MTPAP: variants seen among roughly 807,000 people sequenced by gnomAD.
MTPAP encodes mitochondrial poly(A) polymerase, also known as poly(A) RNA polymerase, mitochondrial.
A neutral mutation model predicts 48.7 loss-of-function variants in MTPAP; 23 were observed. That is an observed-to-expected ratio of 0.47 (90% CI 0.34 to 0.67). MTPAP has a LOEUF of 0.67. Ranked by LOEUF, MTPAP falls within the 30% of genes least tolerant of loss-of-function variation. MTPAP has a pLI of 0.01. For missense variants in MTPAP, 614 were observed against 694.3 expected, an observed-to-expected ratio of 0.88 and a Z score of 1.30; for synonymous variants, 257 against 254.1, an observed-to-expected ratio of 1.01 and a Z score of -0.11.
chr10:30,322,239 ATCTGC>A (rs1248592570), intron 6 of MTPAP, 147 bp downstream of exon 6: 1 of 684,834 alleles, frequency 1.5e-6, no homozygotes, highest in African/African-American at 1.8e-5. Flanking sequence ...TTCCCAAATC[ATCTGC>A]TCTCGTGACT....
chr10:30,332,667 A>G (rs1281045071), intron 4 of MTPAP, among the ~76,000 whole-genome samples: 7 of 152,146 alleles, frequency 4.6e-5, no homozygotes. Context: ...TCTATACCTC[A>G]GAAATCTAAG....
intron 5 of MTPAP, 71 bp downstream of exon 5, chr10:30,326,353 T>G: frequency 7.2e-7 from 1 of 1,386,138 alleles, no homozygotes; most frequent in Non-Finnish European, 1.0e-6. Flanking sequence ...AGCCACTGTT[T>G]CTGTGTGAGA....
rs1840584413 is a variant in MTPAP at position 30,310,859 on chromosome 10, AC to A, written c.*2749del. The A allele has an allele frequency of 6.6e-6, 1 of 151,446 alleles. No individual in the cohort carries two copies. The highest frequency in any genetic ancestry group is 2.4e-5 in the African/African-American group (1 of 41,134). The allele number at this position is 151,446 out of a possible 1,614,324, so 9.4% of individuals were successfully genotyped here. A position where few individuals can be genotyped will look rare whatever the true frequency, so the allele number is the denominator to read the frequency against. On this transcript the variant is annotated 3_prime_UTR_variant, in exon 9 of 9. Transcript: ENST00000263063. ...GGTTGCAGTGAGCCGAGATCGCACCACTGCAGTCTAGCCTGGGTGACAGAGC... is the reference window on the plus strand; with the variant it reads ...GGTTGCAGTGAGCCGAGATCGCACCATGCAGTCTAGCCTGGGTGACAGAGC...
chr10:30,314,321 A>G (rs1840635909), intron 8 of MTPAP, among the ~76,000 whole-genome samples: 1 of 152,172 alleles, frequency 6.6e-6, no homozygotes, highest in South Asian at 2.1e-4. Context: ...AAGGTAGAGC[A>G]TGAAAGGGAA....
At chr10:30,335,653 A>AG (rs1834722784) in intron 4 of MTPAP, among the ~76,000 whole-genome samples, 1 of 152,164 alleles carries the variant, frequency 6.6e-6, no homozygotes, top group Non-Finnish European at 1.5e-5. Flanking sequence ...AACTTGAAAG[A>AG]GAAAAAAAGG....
intron 6 of MTPAP, among the ~76,000 whole-genome samples, chr10:30,320,744 G>T (rs192486631): frequency 7.9e-5 from 12 of 152,148 alleles, no homozygotes; most frequent in African/African-American, 2.9e-4. Flanking sequence ...CTTAACATGG[G>T]CAGGGGTACC....
chr10:30,323,640 G>A (rs968210528), intron 5 of MTPAP, among the ~76,000 whole-genome samples: 7 of 152,096 alleles, frequency 4.6e-5, no homozygotes, highest in Middle Eastern at 3.4e-3. Context: ...CTCCCAAGTA[G>A]CTGGGACTAC....
At chr10:30,338,934 T>C (rs1233008205) in intron 3 of MTPAP, among the ~76,000 whole-genome samples, 8 of 151,426 alleles carry the variant, frequency 5.3e-5, no homozygotes, top group Admixed American at 1.3e-4. Flanking sequence ...CCATCCTGGC[T>C]AACTCAGTGA....
intron 4 of MTPAP, among the ~76,000 whole-genome samples, chr10:30,329,964 T>C (rs993239797): frequency 4.9e-5 from 7 of 141,822 alleles, no homozygotes; most frequent in African/African-American, 1.8e-4. Flanking sequence ...TCTGGGTTTT[T>C]TCTTTTAAAA....
At chr10:30,340,514 C>T (rs1034247479) in intron 2 of MTPAP, 64 bp from the exon 3 acceptor site, 3 of 1,068,892 alleles carry the variant, frequency 2.8e-6, no homozygotes, top group Non-Finnish European at 4.3e-6. Context: ...ACTATTTTAG[C>T]TCATATATTA....
At chr10:30,349,081 C>A in intron 1 of MTPAP, 38 bp downstream of exon 1, 2 of 1,613,626 alleles carry the variant, frequency 1.2e-6, no homozygotes, top group Non-Finnish European at 1.7e-6. Flanking sequence ...TCCTCGCCCG[C>A]TGTGGGACGG....
chr10:30,332,681 A>T (rs957251343), intron 4 of MTPAP, among the ~76,000 whole-genome samples: 2 of 152,138 alleles, frequency 1.3e-5, no homozygotes, highest in Non-Finnish European at 2.9e-5. Context: ...ATCTAAGAGT[A>T]AGACTCAACT....
At position 30,313,570 on chromosome 10, in the gene MTPAP, G is replaced by A. The variant is rs763800159; in HGVS notation, c.*39C>T. On this transcript the variant is annotated 3_prime_UTR_variant, in exon 9 of 9. Transcript: ENST00000263063. The stretch of plus-strand genomic sequence containing the variant: ...TTCCAAGTAAGTCCACAGACCATTT[G>A]ATAGGCTAAGCCCAGTTCTTTACAC... 1.2e-6 allele frequency: 2 copies of A among 1,613,070 alleles called. No individual in the cohort carries two copies. Among genetic ancestry groups the A allele is most frequent in the Non-Finnish European group, 1.7e-6 (2 of 1,179,446 alleles).
chr10:30,325,796 G>C (rs1480086311), intron 5 of MTPAP, among the ~76,000 whole-genome samples: 1 of 133,664 alleles, frequency 7.5e-6, no homozygotes, highest in South Asian at 2.5e-4. Context: ...TTTCCCTGTT[G>C]TGAAACCAGG....
intron 5 of MTPAP, among the ~76,000 whole-genome samples, chr10:30,325,544 C>T (rs1302719869): frequency 3.3e-5 from 5 of 152,166 alleles, no homozygotes; most frequent in African/African-American, 4.8e-5. Context: ...GTCAGGAGTT[C>T]GAGACCAGCC....
At position 30,341,615 on chromosome 10, in the gene MTPAP, C is replaced by A. The variant is rs1176190978; in HGVS notation, c.183G>T (p.Arg61Ser). The A allele has an allele frequency of 5.0e-6, 8 of 1,614,040 alleles. No individual in the cohort carries two copies. Among genetic ancestry groups the A allele is most frequent in the Non-Finnish European group, 6.8e-6 (8 of 1,180,004 alleles). ...ETGFEDKIPK[R>S]RFSEMQNERR... ...TTTCATTTTGCATCTCAGAGAATCT[C>A]CTTTTGGGAATCTTGTCTTCAAAGC... Residue 61 changes from arginine (R) to serine (S), a missense_variant, in exon 2 of 9, where the codon AGG becomes AGT. Around this residue, in one of 5 missense-constraint regions of MTPAP, gnomAD observed 125 missense variants for 111.5 expected, o/e 1.12. Transcript: ENST00000263063.
chr10:30,336,582 TTTGA>T (rs746376100), intron 4 of MTPAP, among the ~76,000 whole-genome samples: 2 of 152,202 alleles, frequency 1.3e-5, no homozygotes, highest in Admixed American at 1.3e-4. Flanking sequence ...CAATTAACTA[TTTGA>T]TTGCATATCT....
At chr10:30,343,717 G>A (rs1271142268) in intron 1 of MTPAP, among the ~76,000 whole-genome samples, 1 of 151,996 alleles carries the variant, frequency 6.6e-6, no homozygotes, top group Non-Finnish European at 1.5e-5. Flanking sequence ...ACAGGCGTGC[G>A]CCACCACGCC....
At chr10:30,320,425 T>G (rs1840709218) in intron 6 of MTPAP, among the ~76,000 whole-genome samples, 1 of 152,124 alleles carries the variant, frequency 6.6e-6, no homozygotes, top group African/African-American at 2.4e-5. Context: ...TTCAGGAGGC[T>G]GAAGTGAGAT....
Sources: allele counts gnomAD v4.1 joint callset (sites outside exome capture counted in the v4.1 genomes callset), GRCh38; gene constraint gnomAD v4.1.1; regional missense constraint gnomAD v4.1.1; transcripts MANE v1.5; gene names NCBI Gene and HGNC (gene_info 2026-07-23, HGNC 2026-07-21).